AHCYL1: variants seen among roughly 807,000 people sequenced by gnomAD.
AHCYL1 encodes the protein S-adenosylhomocysteine hydrolase-like protein 1.
In AHCYL1, 20 loss-of-function variants were observed where a neutral mutation model predicts 79.3. The observed-to-expected ratio is 0.25, with a 90% CI of 0.18 to 0.37. The LOEUF is 0.37. Ranked by LOEUF, AHCYL1 falls within the 10% of genes least tolerant of loss-of-function variation. The pLI is 1.00. For missense variants in AHCYL1, 330 were observed against 673.6 expected, an observed-to-expected ratio of 0.49 and a Z score of 5.65; for synonymous variants, 223 against 242.2, an observed-to-expected ratio of 0.92 and a Z score of 0.74.
In AHCYL1 at chr1:110,012,881, C is replaced by T; in HGVS notation, c.478-16C>T. 6.3e-7 allele frequency: 1 copy of T among 1,598,802 alleles called. No homozygotes were observed. Among genetic ancestry groups the T allele is most frequent in the South Asian group, 1.1e-5 (1 of 88,538 alleles). On this transcript the variant is annotated splice_polypyrimidine_tract_variant and intron_variant, in intron 4 of 16. Coordinates refer to ENST00000369799, the MANE Select transcript of AHCYL1 (RefSeq NM_006621.7). Reference sequence around the variant, plus strand: ...CCCTTCTCTTCCTCACCCTGTCTTCCTACACTTCTACACAGGTGTTGATTG... The same window carrying T: ...CCCTTCTCTTCCTCACCCTGTCTTCTTACACTTCTACACAGGTGTTGATTG...
chr1:110,011,000 G>A (rs1394373224), intron 2 of AHCYL1, among the ~76,000 whole-genome samples: 1 of 152,200 alleles, frequency 6.6e-6, no homozygotes, highest in Admixed American at 6.5e-5. Flanking sequence ...TATTGTTAGG[G>A]TGGGTGAAAG....
intron 10 of AHCYL1, 29 bp from the exon 11 acceptor site, chr1:110,017,917 A>G: frequency 6.2e-7 from 1 of 1,610,720 alleles, no homozygotes; most frequent in Non-Finnish European, 8.5e-7. Flanking sequence ...TTCTTGCTTT[A>G]CTCATAGTGT....
At chr1:110,009,247 C>A in intron 2 of AHCYL1, 102 bp downstream of exon 2, 1 of 988,360 alleles carries the variant, frequency 1.0e-6, no homozygotes, top group Non-Finnish European at 1.5e-6. Context: ...TATGACTGCC[C>A]ACCTTTGTGC....
chr1:110,016,575 C>T, intron 8 of AHCYL1, 92 bp from the exon 9 acceptor site: 2 of 1,576,168 alleles, frequency 1.3e-6, no homozygotes, highest in Non-Finnish European at 1.7e-6. Flanking sequence ...AATTGATATT[C>T]TCATGGGCAT....
chr1:109,995,323 G>A (rs185088211), intron 1 of AHCYL1, among the ~76,000 whole-genome samples: 25 of 152,246 alleles, frequency 1.6e-4, no homozygotes, highest in African/African-American at 4.8e-4. Flanking sequence ...TTCTTACTCC[G>A]CAGCGAGGGG....
intron 1 of AHCYL1, among the ~76,000 whole-genome samples, chr1:110,008,010 T>G (rs1055432670): frequency 9.9e-5 from 13 of 130,950 alleles, no homozygotes; most frequent in Non-Finnish European, 1.4e-4. Context: ...TTTAAGGAAG[T>G]TTTTTTTTTG....
intron 8 of AHCYL1, 45 bp downstream of exon 8, chr1:110,016,505 T>C (rs768811650): frequency 5.1e-6 from 8 of 1,577,560 alleles, no homozygotes; most frequent in South Asian, 2.3e-5. Flanking sequence ...GGCTCTGGTC[T>C]TCCTTTGGCT....
chr1:110,002,132 A>G (rs1431245335), intron 1 of AHCYL1, among the ~76,000 whole-genome samples: 5 of 152,248 alleles, frequency 3.3e-5, no homozygotes, highest in Middle Eastern at 3.2e-3. Context: ...TAGAAATATC[A>G]ATATGAACTC....
intron 1 of AHCYL1, among the ~76,000 whole-genome samples, chr1:110,007,321 C>T (rs1021489537): frequency 6.6e-6 from 1 of 152,106 alleles, no homozygotes; most frequent in African/African-American, 2.4e-5. Context: ...AGGGCTGCCT[C>T]TGGAGAGTGT....
intron 2 of AHCYL1, among the ~76,000 whole-genome samples, chr1:110,010,246 G>C (rs1650936220): frequency 6.6e-6 from 1 of 152,230 alleles, no homozygotes. Flanking sequence ...AAAGCTTAGT[G>C]ATATGGTTAA....
chr1:110,004,209 C>T lies in AHCYL1; in HGVS notation c.121-4825C>T, dbSNP rs41280336. The stretch of plus-strand genomic sequence containing the variant: ...GTTGAGACACAGAGGCGGGAGTCGG[C>T]GGGGGAAGATATGTGCTGAGATTAG... On this transcript the variant is annotated intron_variant, in intron 1 of 16. Coordinates refer to ENST00000369799, the MANE Select transcript of AHCYL1 (RefSeq NM_006621.7). 5.5e-3 allele frequency: 5,380 copies of T among 985,488 alleles called. 29 individuals are homozygous for T. The highest frequency in any genetic ancestry group is 0.021 in the African/African-American group (1,183 of 57,268). The allele number at this position is 985,488 out of a possible 1,614,324, so 61.0% of individuals were successfully genotyped here.
intron 1 of AHCYL1, chr1:110,000,840 C>T (rs1029135218): frequency 1.7e-6 from 1 of 589,362 alleles, no homozygotes; most frequent in Admixed American, 6.4e-5. Flanking sequence ...TCTGTTTTCT[C>T]ATTTGTGAAG....
intron 1 of AHCYL1, chr1:110,004,304 G>T (rs898574335): frequency 1.0e-6 from 1 of 985,346 alleles, no homozygotes; most frequent in African/African-American, 1.7e-5. Context: ...TAAGAAACTT[G>T]AGACAGGGAA....
In AHCYL1 at chr1:110,012,833, G is replaced by C. The variant is rs557218578; in HGVS notation, c.478-64G>C. 16 of 1,298,982 alleles carry C rather than the reference G, an allele frequency of 1.2e-5. No individual in the cohort carries two copies. The Admixed American group carries it at 3.3e-4, about 27-fold the overall frequency. The allele number at this position is 1,298,982 out of a possible 1,614,324, so 80.5% of individuals were successfully genotyped here. A position where few individuals can be genotyped will look rare whatever the true frequency, so the allele number is the denominator to read the frequency against. On this transcript the variant is annotated intron_variant, in intron 4 of 16. Coordinates refer to ENST00000369799, the MANE Select transcript of AHCYL1 (RefSeq NM_006621.7). ...TGATAGGTATTGCTATCTTGATGAGGCTTGCTCTCCATTCCTGGGTGGCCC... is the reference window on the plus strand; with the variant it reads ...TGATAGGTATTGCTATCTTGATGAGCCTTGCTCTCCATTCCTGGGTGGCCC...
chr1:109,986,814 C>T (rs1238857189), intron 1 of AHCYL1, among the ~76,000 whole-genome samples: 2 of 152,128 alleles, frequency 1.3e-5, no homozygotes, highest in Non-Finnish European at 2.9e-5. Flanking sequence ...TAGCTTTGTA[C>T]CCAGCATACA....
intron 1 of AHCYL1, among the ~76,000 whole-genome samples, chr1:110,007,544 C>G (rs1650733187): frequency 1.3e-5 from 2 of 152,160 alleles, no homozygotes; most frequent in African/African-American, 4.8e-5. Flanking sequence ...ATCTGGTGCT[C>G]CCCTAGCTGA....
chr1:110,004,248 C>T, intron 1 of AHCYL1: 3 of 985,468 alleles, frequency 3.0e-6, no homozygotes, highest in Non-Finnish European at 3.6e-6. Context: ...GCCTGCCCTC[C>T]CTCTCCCCCA....
chr1:109,995,444 T>A (rs1462719119), intron 1 of AHCYL1, among the ~76,000 whole-genome samples: 1 of 152,232 alleles, frequency 6.6e-6, no homozygotes, highest in Non-Finnish European at 1.5e-5. Context: ...AGTCTCTTTG[T>A]CATGTTCTCC....
intron 14 of AHCYL1, 145 bp from the exon 15 acceptor site, chr1:110,019,403 C>T (rs1187471817): frequency 1.3e-6 from 1 of 764,642 alleles, no homozygotes; most frequent in East Asian, 2.5e-5. Context: ...ATGTGTGCTG[C>T]CCTTTAGTAT....
Sources: allele counts gnomAD v4.1 joint callset (sites outside exome capture counted in the v4.1 genomes callset), GRCh38; gene constraint gnomAD v4.1.1; transcripts MANE v1.5; gene names NCBI Gene and HGNC (gene_info 2026-07-23, HGNC 2026-07-21).